Variants in SECISBP2L observed in about 807,000 individuals in gnomAD.
SECISBP2L encodes SECIS binding protein 2 like, also known as selenocysteine insertion sequence-binding protein 2-like.
Under a neutral mutation model 114.7 loss-of-function variants are expected in SECISBP2L, and 43 were observed. The ratio of observed to expected loss-of-function variants is 0.38; its 90% confidence interval spans 0.29 to 0.48. The LOEUF (loss-of-function observed/expected upper bound fraction) is 0.48. Among genes scored for constraint, SECISBP2L ranks in the 20% least tolerant of loss-of-function variants. SECISBP2L has a pLI of 0.98. For missense variants in SECISBP2L, 1,136 were observed against 1,301.1 expected, an observed-to-expected ratio of 0.87 and a Z score of 1.95; for synonymous variants, 451 against 439.7, an observed-to-expected ratio of 1.03 and a Z score of -0.32.
intron 1 of SECISBP2L, 85 bp from the exon 2 acceptor site, chr15:49,037,854 C>A: frequency 8.8e-7 from 1 of 1,132,948 alleles, no homozygotes; most frequent in Non-Finnish European, 1.2e-6. Context: ...AAGAGTCAGT[C>A]CTTATAAACA....
chr15:49,011,867 A>T lies in SECISBP2L; in HGVS notation c.1732-4T>A. The T allele has an allele frequency of 6.2e-7, 1 of 1,613,742 alleles. No individual in the cohort carries two copies. Among genetic ancestry groups the T allele is most frequent in the Non-Finnish European group, 8.5e-7 (1 of 1,179,754 alleles). ...CCTCTCTTTCTTTTAAAATAACCTA[A>T]AAGTCATTACACTAGTCTTTAATTA... On this transcript the variant is annotated splice_polypyrimidine_tract_variant and splice_region_variant and intron_variant, in intron 12 of 17. Coordinates refer to ENST00000559471, the MANE Select transcript of SECISBP2L (RefSeq NM_001193489.2).
In SECISBP2L at chr15:49,017,557, A is replaced by C. The variant is rs1188069866; in HGVS notation, c.1242T>G (p.Ser414=). The C allele has an allele frequency of 1.7e-5, 27 of 1,597,686 alleles. No individual in the cohort carries two copies. The highest frequency in any genetic ancestry group is 1.7e-4 in the Middle Eastern group (1 of 5,966). ...TTAAAGAGTTACTTACTACTTTAGA[A>C]GAAAGTTTTTGTTGAATATTCTCAT... The part of the protein sequence containing the change: ...AKDENIQQKL[S]SKVLDDLPEN... Residue 414 remains serine, a synonymous_variant, in exon 9 of 18, where the codon TCT becomes TCG. Transcript: ENST00000559471.
chr15:49,035,340 G>C lies in SECISBP2L; in HGVS notation c.522C>G (p.Val174=), dbSNP rs766887933. The C allele has an allele frequency of 3.7e-6, 6 of 1,612,348 alleles. No individual in the cohort carries two copies. The Admixed American group carries it at 1.0e-4, about 27-fold the overall frequency. ...ATCAAGACCAGACACTTACTTTTGG[G>C]ACCACTGATCCTCTGTTACTGTTTC... ...RSRNSNRGSV[V]PKQQLLQQHI... The change falls in exon 3 of 18, where the codon GTC becomes GTG. Residue 174 remains valine, a synonymous_variant. Coordinates refer to ENST00000559471, the MANE Select transcript of SECISBP2L (RefSeq NM_001193489.2).
chr15:49,026,702 G>A (rs1260854246), intron 7 of SECISBP2L, among the ~76,000 whole-genome samples: 3 of 152,198 alleles, frequency 2.0e-5, no homozygotes, highest in Non-Finnish European at 4.4e-5. Context: ...AGATGAACAT[G>A]TCCATATAGT....
chr15:49,016,591 T>C lies in SECISBP2L; in HGVS notation c.1530A>G (p.Gln510=), dbSNP rs781322199. Reference sequence around the variant, plus strand: ...ATGACAGAGGTCTGGTGTTAGTAATTTGCCGTGCTTTCATTGCTTGCTGTT... The same window carrying C: ...ATGACAGAGGTCTGGTGTTAGTAATCTGCCGTGCTTTCATTGCTTGCTGTT... ...EKQQQAMKAR[Q]ITNTRPLSYT... The change falls in exon 11 of 18, where the codon CAA becomes CAG. Residue 510 remains glutamine (Q), a synonymous_variant. Transcript: ENST00000559471. 6.8e-6 allele frequency: 11 copies of C among 1,610,926 alleles called. No homozygotes were observed. Among genetic ancestry groups the C allele is most frequent in the South Asian group, 4.4e-5 (4 of 90,372 alleles).
intron 1 of SECISBP2L, among the ~76,000 whole-genome samples, chr15:49,041,767 ATTCT>A (rs1388126844): frequency 1.3e-5 from 2 of 152,250 alleles, no homozygotes; most frequent in Non-Finnish European, 2.9e-5. Context: ...AACCCTCCAT[ATTCT>A]TTCTATGTTA....
intron 8 of SECISBP2L, 87 bp from the exon 9 acceptor site, chr15:49,017,715 A>C (rs1453990106): frequency 1.1e-6 from 1 of 885,596 alleles, no homozygotes; most frequent in Non-Finnish European, 1.7e-6. Flanking sequence ...AAAATGAGGA[A>C]GTTATTTCTT....
intron 13 of SECISBP2L, 100 bp downstream of exon 13, chr15:49,011,631 C>T: frequency 7.5e-7 from 1 of 1,324,924 alleles, no homozygotes; most frequent in Non-Finnish European, 1.0e-6. Context: ...AAATATGGAG[C>T]ACGTCTTCCA....
At chr15:49,017,782 C>A in intron 8 of SECISBP2L, 154 bp from the exon 9 acceptor site, 1 of 527,798 alleles carries the variant, frequency 1.9e-6, no homozygotes, top group Non-Finnish European at 3.3e-6. Flanking sequence ...TCATTTCTCA[C>A]ATGCTAAAAT....
intron 17 of SECISBP2L, among the ~76,000 whole-genome samples, 190 bp from the exon 18 acceptor site, chr15:48,993,116 T>A (rs1046982009): frequency 1.6e-3 from 241 of 151,390 alleles, no homozygotes; most frequent in Admixed American, 4.3e-3. Flanking sequence ...TGTGTGTGTG[T>A]GTGTGTGTGT....
In SECISBP2L at chr15:49,011,716, G is replaced by T; in HGVS notation, c.1864+15C>A. On this transcript the variant is annotated intron_variant, in intron 13 of 17. Coordinates refer to ENST00000559471, the MANE Select transcript of SECISBP2L (RefSeq NM_001193489.2). ...GACCATTCCATGAGAAGAGGAGAAA[G>T]GGGGAGCTCCTTACCTTCCTGGGAA... 1 of 1,613,446 alleles carries T rather than the reference G, an allele frequency of 6.2e-7. No individual in the cohort carries two copies. Among genetic ancestry groups the T allele is most frequent in the Non-Finnish European group, 8.5e-7 (1 of 1,179,636 alleles).
intron 1 of SECISBP2L, among the ~76,000 whole-genome samples, chr15:49,043,256 A>G (rs1307884625): frequency 6.6e-6 from 1 of 152,220 alleles, no homozygotes; most frequent in African/African-American, 2.4e-5. Context: ...CTTAAAGTTT[A>G]TAAATTATTT....
chr15:49,002,749 G>T (rs1299154552), intron 14 of SECISBP2L, among the ~76,000 whole-genome samples: 1 of 152,198 alleles, frequency 6.6e-6, no homozygotes, highest in African/African-American at 2.4e-5. Context: ...ATTTGTCAAA[G>T]ATCAGATGGT....
intron 15 of SECISBP2L, among the ~76,000 whole-genome samples, chr15:49,000,670 G>A (rs1272231976): frequency 6.6e-6 from 1 of 152,140 alleles, no homozygotes; most frequent in Non-Finnish European, 1.5e-5. Flanking sequence ...TCTTCCACTG[G>A]TGTTCATACA....
At chr15:49,041,967 A>C (rs1903141611) in intron 1 of SECISBP2L, among the ~76,000 whole-genome samples, 1 of 152,208 alleles carries the variant, frequency 6.6e-6, no homozygotes, top group Non-Finnish European at 1.5e-5. Context: ...GACTCCAGAC[A>C]ATAATGAGGA....
At chr15:49,031,433 A>G (rs964274774) in intron 4 of SECISBP2L, among the ~76,000 whole-genome samples, 1 of 152,050 alleles carries the variant, frequency 6.6e-6, no homozygotes, top group Admixed American at 6.6e-5. Flanking sequence ...ATTGTTAATG[A>G]CATCTTTTTT....
At position 49,028,597 on chromosome 15, in the gene SECISBP2L, T is replaced by A. The variant is rs760522036; in HGVS notation, c.750A>T (p.Ala250=). The A allele has an allele frequency of 6.8e-6, 11 of 1,614,154 alleles. No homozygotes were observed. Among genetic ancestry groups the A allele is most frequent in the Non-Finnish European group, 9.3e-6 (11 of 1,180,014 alleles). The change falls in exon 5 of 18, where the codon GCA becomes GCT. Residue 250 remains alanine, a synonymous_variant. Transcript: ENST00000559471. ...LWKSKGRRRR[A]SHPTAESSSE... The stretch of plus-strand genomic sequence containing the variant: ...TAGAAGATTCAGCAGTAGGGTGGGA[T>A]GCTCTTCTTCTCCTGCCCTTGGACT...
chr15:48,992,316 C>T lies in SECISBP2L; in HGVS notation c.3234G>A (p.Gln1078=). 6.2e-7 allele frequency: 1 copy of T among 1,613,908 alleles called. No homozygotes were observed. The highest frequency in any genetic ancestry group is 8.5e-7 in the Non-Finnish European group (1 of 1,179,942). The change falls in exon 18 of 18, where the codon CAG becomes CAA. Residue 1078 remains glutamine, a synonymous_variant. Transcript: ENST00000559471. ...WTADQQASPG[Q]QKSSNCSSLN... ...GCGAGCTGCAGTTGCTGGACTTCTG[C>T]TGCCCAGGACTGGCCTGCTGGTCAG... is the stretch of plus-strand genomic sequence containing the variant.
At chr15:49,026,980 G>GTATTTACA (rs1253457057) in intron 7 of SECISBP2L, among the ~76,000 whole-genome samples, 1 of 152,136 alleles carries the variant, frequency 6.6e-6, no homozygotes, top group Admixed American at 6.6e-5. Context: ...GCACAAAAGG[G>GTATTTACA]TATTTACAGT....
Sources: gnomAD v4.1 joint callset for allele counts (sites outside exome capture counted in the v4.1 genomes callset) on GRCh38, gnomAD v4.1.1 for gene constraint, MANE v1.5 for transcripts, NCBI Gene and HGNC (gene_info 2026-07-23, HGNC 2026-07-21) for gene names.